The following EPHA7 variants were observed in gnomAD, a reference collection of about 807,000 sequenced individuals.
EPHA7 encodes the protein EPH receptor A7, also known as ephrin type-A receptor 7.
Under a neutral mutation model 112.6 loss-of-function variants are expected in EPHA7, and 25 were observed. The ratio of observed to expected loss-of-function variants is 0.22; its 90% CI spans 0.16 to 0.31. The LOEUF is 0.31. EPHA7 is among the 10% of genes least tolerant of loss of function. The pLI is 1.00. For synonymous variants in EPHA7, 437 were observed against 406.5 expected (o/e 1.07, Z -0.90); for missense variants, 962 against 1,212.6 (o/e 0.79, Z 3.07).
At position 93,285,525 on chromosome 6, in the gene EPHA7, T is replaced by TCGAA. The variant is rs1268327674; in HGVS notation, c.1325-13104_1325-13103insTTCG. On this transcript the variant is annotated intron_variant, in intron 5 of 16. Transcript: ENST00000369303. ...TTAAACTATTGTAAATTTGCACAGA[T>TCGAA]AAGAAATCGAAAACAATTCTGTTTT... 2.5e-3 allele frequency among the ~76,000 whole-genome samples: 386 copies of TCGAA among 152,236 alleles called. 5 individuals carry two copies. The highest frequency in any genetic ancestry group is 5.8e-4 in the East Asian group (3 of 5,182).
chr6:93,346,090 T>C (rs1775392652), intron 5 of EPHA7, among the ~76,000 whole-genome samples: 3 of 151,678 alleles, frequency 2.0e-5, no homozygotes, highest in South Asian at 2.1e-4. Flanking sequence ...CTGAAAATGG[T>C]GTATATGATT....
At chr6:93,263,984 A>G in intron 8 of EPHA7, 69 bp from the exon 9 acceptor site, 1 of 1,164,658 alleles carries the variant, frequency 8.6e-7, no homozygotes, top group Non-Finnish European at 1.2e-6. Flanking sequence ...AGTACAATGT[A>G]CCTTAGTTAC....
chr6:93,318,686 C>T (rs1455443616), intron 5 of EPHA7, among the ~76,000 whole-genome samples: 1 of 151,404 alleles, frequency 6.6e-6, no homozygotes, highest in African/African-American at 2.4e-5. Flanking sequence ...GCAATGATAC[C>T]ATAATGAGAC....
intron 5 of EPHA7, among the ~76,000 whole-genome samples, chr6:93,312,654 A>G (rs1163694729): frequency 6.6e-6 from 1 of 152,148 alleles, no homozygotes; most frequent in Non-Finnish European, 1.5e-5. Context: ...ATTTCTTTCA[A>G]GAACTTTTCC....
At chr6:93,358,463 T>A in intron 3 of EPHA7, 52 bp from the exon 4 acceptor site, 77 of 1,410,758 alleles carry the variant, frequency 5.5e-5, no homozygotes, top group Admixed American at 1.4e-4. Context: ...AATCGATCTT[T>A]AAAAAAAAAT....
intron 3 of EPHA7, among the ~76,000 whole-genome samples, chr6:93,388,351 C>G (rs1777734098): frequency 6.6e-6 from 1 of 152,006 alleles, no homozygotes; most frequent in African/African-American, 2.4e-5. Context: ...GGAAGAGAAT[C>G]CCTATTATTA....
chr6:93,285,480 G>A (rs184207166), intron 5 of EPHA7, among the ~76,000 whole-genome samples: 2 of 151,686 alleles, frequency 1.3e-5, no homozygotes, highest in Admixed American at 1.3e-4. Flanking sequence ...CAACAAACAT[G>A]TATTTGACCC....
chr6:93,373,578 G>T (rs1776907909), intron 3 of EPHA7, among the ~76,000 whole-genome samples: 1 of 152,024 alleles, frequency 6.6e-6, no homozygotes, highest in Non-Finnish European at 1.5e-5. Flanking sequence ...TCATGGTTTT[G>T]CCAGTTGTTT....
At chr6:93,324,352 T>C (rs551190648) in intron 5 of EPHA7, among the ~76,000 whole-genome samples, 1 of 151,474 alleles carries the variant, frequency 6.6e-6, no homozygotes, top group African/African-American at 2.4e-5. Context: ...AAAGTTTCTA[T>C]CTGAAAATAA....
rs552187151 is a variant in EPHA7 at position 93,416,069 on chromosome 6, A to G, written c.98-1302T>C. On this transcript the variant is annotated intron_variant, in intron 1 of 16. Transcript: ENST00000369303. ...TTCTTTGTTTAGTGTTTTACACTTAAGACTCTCAGGGAGACTGACAGGAAA... is the reference window on the plus strand; with the variant it reads ...TTCTTTGTTTAGTGTTTTACACTTAGGACTCTCAGGGAGACTGACAGGAAA... Among the ~76,000 whole-genome samples the G allele has an allele frequency of 2.1e-4, 31 of 147,424 alleles. No individual in the cohort carries two copies. The South Asian group carries it at 5.1e-3, about 24-fold the overall frequency.
chr6:93,275,945 G>A (rs1771448697), intron 5 of EPHA7, among the ~76,000 whole-genome samples: 1 of 151,822 alleles, frequency 6.6e-6, no homozygotes, highest in Admixed American at 6.6e-5. Flanking sequence ...TATTCATAAG[G>A]TCTATGTACT....
chr6:93,258,027 A>T, intron 11 of EPHA7, 72 bp downstream of exon 11: 3 of 1,375,602 alleles, frequency 2.2e-6, no homozygotes, highest in Non-Finnish European at 2.0e-6. Flanking sequence ...AATTTGTTTT[A>T]TTGTGTACAT....
intron 14 of EPHA7, among the ~76,000 whole-genome samples, chr6:93,250,002 G>A (rs2127849959): frequency 6.6e-6 from 1 of 152,178 alleles, no homozygotes. Flanking sequence ...TTATTGTAGA[G>A]AAACAACACT....
Position 93,256,071 on chromosome 6 carries a change from T to A in EPHA7, c.2173-34A>T. On this transcript the variant is annotated intron_variant, in intron 12 of 16. Coordinates refer to ENST00000369303, the MANE Select transcript of EPHA7 (RefSeq NM_004440.4). ...AGACAAAAATAAAAGCCCAGTTAAC[T>A]GCATACTTTAAAAGGGACAAAAATC... 1.9e-6 allele frequency: 3 copies of A among 1,590,730 alleles called. No individual in the cohort carries two copies. In the East Asian group the frequency reaches 6.7e-5, roughly 36 times the overall value.
intron 3 of EPHA7, among the ~76,000 whole-genome samples, chr6:93,384,482 T>C (rs1777501412): frequency 6.6e-6 from 1 of 152,188 alleles, no homozygotes; most frequent in African/African-American, 2.4e-5. Context: ...TGGTACAACA[T>C]AGAAAGCCCT....
At chr6:93,292,593 T>C (rs563100455) in intron 5 of EPHA7, among the ~76,000 whole-genome samples, 3 of 152,296 alleles carry the variant, frequency 2.0e-5, no homozygotes, top group African/African-American at 7.2e-5. Context: ...AGGCTATTAA[T>C]ATCTATTGCT....
intron 6 of EPHA7, 118 bp downstream of exon 6, chr6:93,272,180 C>T (rs1414053983): frequency 9.0e-7 from 1 of 1,112,592 alleles, no homozygotes; most frequent in Non-Finnish European, 1.3e-6. Flanking sequence ...CTAAAATTAA[C>T]TACGAAGTTT....
At chr6:93,306,654 T>C (rs1408494841) in intron 5 of EPHA7, among the ~76,000 whole-genome samples, 1 of 152,020 alleles carries the variant, frequency 6.6e-6, no homozygotes, top group Non-Finnish European at 1.5e-5. Flanking sequence ...GCTTTCACTT[T>C]TCCTGATTTC....
chr6:93,242,669 C>G lies in EPHA7; in HGVS notation c.*757G>C, dbSNP rs766641001. On this transcript the variant is annotated 3_prime_UTR_variant, in exon 17 of 17. Transcript: ENST00000369303. ...AAAGTGCCTTATAGTATGTATGGATCATTATTGCTTTTTTCATTGAAAAGA... is the reference window on the plus strand; with the variant it reads ...AAAGTGCCTTATAGTATGTATGGATGATTATTGCTTTTTTCATTGAAAAGA... 4.5e-6 allele frequency: 1 copy of G among 220,458 alleles called. No homozygotes were observed. The highest frequency in any genetic ancestry group is 9.1e-6 in the Non-Finnish European group (1 of 109,914). 13.7% of individuals were successfully genotyped at this position (220,458 alleles called of 1,614,324 possible).
Sources: allele counts gnomAD v4.1 joint callset (sites outside exome capture counted in the v4.1 genomes callset), GRCh38; gene constraint gnomAD v4.1.1; transcripts MANE v1.5; gene names NCBI Gene and HGNC (gene_info 2026-07-23, HGNC 2026-07-21).